Variants in DGKZ observed in about 807,000 individuals in gnomAD.
DGKZ encodes the protein DAG kinase zeta.
In DGKZ, 45 loss-of-function variants were observed where a neutral mutation model predicts 142.5. The observed-to-expected ratio is 0.32, with a 90% CI of 0.25 to 0.40. The LOEUF is 0.40. DGKZ is among the 10% of genes least tolerant of loss of function. DGKZ has a pLI of 1.00. For missense variants in DGKZ, 755 were observed against 1,306.5 expected (o/e 0.58, Z 6.51); for synonymous variants, 442 against 527.0 (o/e 0.84, Z 2.21).
At chr11:46,379,737 C>T in intron 30 of DGKZ, 94 bp from the exon 31 acceptor site, 1 of 1,357,208 alleles carries the variant, frequency 7.4e-7, no homozygotes, top group Non-Finnish European at 1.0e-6. Context: ...CCCTCCCTGA[C>T]CAGGCCACAG....
intron 1 of DGKZ, chr11:46,365,152 C>T: frequency 1.0e-6 from 1 of 985,380 alleles, no homozygotes; most frequent in Non-Finnish European, 1.2e-6. Flanking sequence ...CCATGGAGGC[C>T]AGGTCCAGGT....
intron 6 of DGKZ, among the ~76,000 whole-genome samples, chr11:46,370,455 A>T (rs954224396): frequency 1.3e-5 from 2 of 152,222 alleles, no homozygotes; most frequent in Non-Finnish European, 2.9e-5. Flanking sequence ...CGCCTCCCTC[A>T]GTAAGTGCAG....
At position 46,333,357 on chromosome 11, in the gene DGKZ, C is replaced by T. The variant is rs937483941; in HGVS notation, c.82C>T (p.Arg28Trp). 19 of 1,369,804 alleles carry T rather than the reference C, an allele frequency of 1.4e-5. No homozygotes were observed. Among genetic ancestry groups the T allele is most frequent in the Non-Finnish European group, 1.7e-5 (18 of 1,069,622 alleles). The allele number at this position is 1,369,804 out of a possible 1,614,324, so 84.9% of individuals were successfully genotyped here. Residue 28 changes from arginine to tryptophan, a missense_variant, in exon 1 of 31, where the codon CGG becomes TGG. By Grantham distance (101) the Arg-to-Trp change is moderately radical (BLOSUM62 -3). Coordinates refer to the DGKZ transcript ENST00000343674. ...GGCAGCCGAGGAGGAGGTGGTGCGG[C>T]GGCGATGCCGGCGCGGGGAGGAGGC... is the stretch of plus-strand genomic sequence containing the variant.
intron 30 of DGKZ, 46 bp downstream of exon 30, chr11:46,379,614 C>T (rs1944988981): frequency 6.5e-7 from 1 of 1,531,696 alleles, no homozygotes; most frequent in South Asian, 1.2e-5. Flanking sequence ...CCAACCAAAC[C>T]TTTCCCAAGG....
intron 1 of DGKZ, among the ~76,000 whole-genome samples, chr11:46,339,298 A>G (rs959824943): frequency 6.6e-6 from 1 of 152,262 alleles, no homozygotes; most frequent in African/African-American, 2.4e-5. Context: ...AGGATAAAGC[A>G]AGGAGCTGCC....
At position 46,372,308 on chromosome 11, in the gene DGKZ, C is replaced by A; in HGVS notation, c.928-120C>A. 7.5e-7 allele frequency: 1 copy of A among 1,337,200 alleles called. No individual in the cohort carries two copies. Among genetic ancestry groups the A allele is most frequent in the Non-Finnish European group, 1.0e-6 (1 of 957,326 alleles). 82.8% of individuals were successfully genotyped at this position (1,337,200 alleles called of 1,614,324 possible). A position where few individuals can be genotyped will look rare whatever the true frequency, so the allele number is the denominator to read the frequency against. ...CCCAGGGATCCTGAGAAAATCCTGT[C>A]CTTTCTCCACCCCTCACCCCTTATT... On this transcript the variant is annotated intron_variant, in intron 10 of 30. Transcript: ENST00000527911. This position sits in a 1 kb window ranked among gnomAD's most constrained non-coding sequence, Gnocchi z 5.9.
At chr11:46,334,423 T>G (rs978116399) in intron 1 of DGKZ, among the ~76,000 whole-genome samples, 3 of 152,208 alleles carry the variant, frequency 2.0e-5, no homozygotes, top group Non-Finnish European at 4.4e-5. Flanking sequence ...CCCTGTCCAC[T>G]TACAACCATG....
Position 46,372,253 on chromosome 11 carries a change from C to G in DGKZ, c.927+83C>G. The G allele has an allele frequency of 7.1e-7, 1 of 1,409,636 alleles. No individual in the cohort carries two copies. The highest frequency in any genetic ancestry group is 9.7e-7 in the Non-Finnish European group (1 of 1,033,244). The allele number at this position is 1,409,636 out of a possible 1,614,324, so 87.3% of individuals were successfully genotyped here. On this transcript the variant is annotated intron_variant, in intron 10 of 30. Transcript: ENST00000527911. This position sits in a 1 kb window ranked among gnomAD's most constrained non-coding sequence, Gnocchi z 5.9. ...TCTGCCAGCAGCTGTTCCCAGAGCC[C>G]GTTTCTGGCTTCTACCCCAATCCCT...
intron 1 of DGKZ, among the ~76,000 whole-genome samples, chr11:46,362,931 CA>C: frequency 6.6e-6 from 1 of 152,346 alleles, no homozygotes; most frequent in East Asian, 1.9e-4. Context: ...TGTCAGGCCC[CA>C]GAGCCGGCCA....
chr11:46,347,594 AGCCCCGGCCGCC>A lies in DGKZ; in HGVS notation c.-64_-53del. On this transcript the variant is annotated 5_prime_UTR_variant, in exon 1 of 31. Coordinates refer to ENST00000527911, the Ensembl canonical transcript of DGKZ. The surrounding 1 kb of genome is among the most constrained non-coding windows in gnomAD (Gnocchi z 6.4). Reference sequence around the variant, plus strand: ...CGGGCGGCGCGGAGCGGGCGTGCTGAGCCCCGGCCGCCGGCCCGGCATGGGCGTCTCCCGCGG... The same window carrying A: ...CGGGCGGCGCGGAGCGGGCGTGCTGAGGCCCGGCATGGGCGTCTCCCGCGG... The A allele has an allele frequency of 8.6e-7, 1 of 1,159,904 alleles. No homozygotes were observed. Among genetic ancestry groups the A allele is most frequent in the Non-Finnish European group, 1.1e-6 (1 of 942,222 alleles). 71.9% of individuals were successfully genotyped at this position (1,159,904 alleles called of 1,614,324 possible).
At chr11:46,339,815 A>T (rs1278286768) in intron 1 of DGKZ, among the ~76,000 whole-genome samples, 2 of 152,202 alleles carry the variant, frequency 1.3e-5, no homozygotes, top group African/African-American at 4.8e-5. Context: ...TGCCTTTCAG[A>T]GTTTTCAGAA....
rs756085944 is a variant in DGKZ, at chr11:46,376,557, G to A, written c.2195G>A (p.Arg732Gln). The stretch of plus-strand genomic sequence containing the variant: ...GCCAGCCGCTTCTACAGGATCGACC[G>A]AGCCCAGGTGAGCGATTGCAGGCCT... Residue 732 changes from arginine to glutamine, a missense_variant, in exon 24 of 31, where the codon CGA (arginine) becomes CAA (glutamine). Arg to Gln is a conservative substitution (Grantham distance 43). Coordinates refer to ENST00000527911, the Ensembl canonical transcript of DGKZ. 9.7e-5 allele frequency: 156 copies of A among 1,613,410 alleles called. No homozygotes were observed. The highest frequency in any genetic ancestry group is 1.3e-4 in the Non-Finnish European group (150 of 1,179,990).
chr11:46,364,268 C>G (rs897483715), intron 1 of DGKZ: 25 of 951,258 alleles, frequency 2.6e-5, no homozygotes, highest in Non-Finnish European at 3.7e-5. Flanking sequence ...ACTTCCTCAT[C>G]AGGAATGCAG....
intron 4 of DGKZ, 124 bp from the exon 5 acceptor site, chr11:46,369,370 C>T (rs753566765): frequency 6.2e-6 from 7 of 1,125,648 alleles, no homozygotes; most frequent in African/African-American, 1.5e-5. Context: ...CAAGGACTCT[C>T]GTGACGATTT....
intron 20 of DGKZ, 55 bp downstream of exon 20, chr11:46,375,686 T>TGGGGA: frequency 6.6e-7 from 1 of 1,519,144 alleles, no homozygotes; most frequent in Non-Finnish European, 8.8e-7. Flanking sequence ...CTGCCCTCTC[T>TGGGGA]GGGCCTTGAT....
chr11:46,347,568 G>T lies in DGKZ; in HGVS notation c.-92G>T, dbSNP rs1940790965. 1 of 1,058,452 alleles carries T rather than the reference G, an allele frequency of 9.4e-7. No individual in the cohort carries two copies. The highest frequency in any genetic ancestry group is 4.4e-5 in the South Asian group (1 of 22,644). The allele number at this position is 1,058,452 out of a possible 1,614,324, so 65.6% of individuals were successfully genotyped here. A position where few individuals can be genotyped will look rare whatever the true frequency, so the allele number is the denominator to read the frequency against. ...GGAGCGAGCGCGCGCCATGGAGGTG[G>T]CGGGCGGCGCGGAGCGGGCGTGCTG... is the stretch of plus-strand genomic sequence containing the variant. On this transcript the variant is annotated 5_prime_UTR_variant, in exon 1 of 31. Transcript: ENST00000527911. The surrounding 1 kb of genome is among the most constrained non-coding windows in gnomAD (Gnocchi z 6.4).
intron 20 of DGKZ, 52 bp from the exon 21 acceptor site, chr11:46,375,799 G>T: frequency 6.5e-7 from 1 of 1,540,602 alleles, no homozygotes; most frequent in Non-Finnish European, 8.8e-7. Context: ...GCCGAGGGTG[G>T]CACCAAGGCA....
chr11:46,377,488 C>T, intron 25 of DGKZ: 1 of 502,762 alleles, frequency 2.0e-6, no homozygotes, highest in Middle Eastern at 5.1e-4. Flanking sequence ...CACTCCTCCC[C>T]ACCCCTACTG....
intron 1 of DGKZ, among the ~76,000 whole-genome samples, chr11:46,358,368 G>GGA (rs1942276270): frequency 6.6e-6 from 1 of 152,136 alleles, no homozygotes; most frequent in African/African-American, 2.4e-5. Flanking sequence ...ACTGTGATGA[G>GGA]GAAAAGCTCT....
Sources: gnomAD v4.1 joint callset for allele counts (sites outside exome capture counted in the v4.1 genomes callset) on GRCh38, gnomAD v4.1.1 for gene constraint, Gnocchi (gnomAD v3.1) non-coding constraint, MANE v1.5 for transcripts, NCBI Gene and HGNC (gene_info 2026-07-23, HGNC 2026-07-21) for gene names.